HNF4G: variants seen among roughly 807,000 people sequenced by gnomAD.
The protein encoded by HNF4G is hepatocyte nuclear factor 4 gamma.
In HNF4G, 21 loss-of-function variants were observed where a neutral mutation model predicts 50.9. The observed-to-expected ratio is 0.41, with a 90% CI of 0.29 to 0.59. The LOEUF (loss-of-function observed/expected upper bound fraction) is 0.59. HNF4G is among the 20% of genes least tolerant of loss of function. The pLI, the probability that HNF4G is intolerant of heterozygous loss-of-function variation, is 0.26. For synonymous variants in HNF4G, 198 were observed against 185.6 expected (o/e 1.07, Z -0.54); for missense variants, 527 against 559.4 (o/e 0.94, Z 0.58).
At chr8:75,554,844 A>G (rs1807067358) in intron 5 of HNF4G, among the ~76,000 whole-genome samples, 1 of 152,214 alleles carries the variant, frequency 6.6e-6, no homozygotes, top group Admixed American at 6.5e-5. Flanking sequence ...AAATGAGAAG[A>G]GATACTTTAA....
At chr8:75,549,146 C>A (rs1806872468) in intron 3 of HNF4G, among the ~76,000 whole-genome samples, 1 of 152,090 alleles carries the variant, frequency 6.6e-6, no homozygotes, top group African/African-American at 2.4e-5. Context: ...TAAATTTTAT[C>A]TTTTGTTCAT....
intron 2 of HNF4G, among the ~76,000 whole-genome samples, chr8:75,508,775 T>C (rs1488822117): frequency 6.6e-6 from 1 of 151,714 alleles, no homozygotes; most frequent in Non-Finnish European, 1.5e-5. Flanking sequence ...ATATTGAAGG[T>C]TAGAGGGGAA....
chr8:75,461,331 C>G (rs1811835779), intron 1 of HNF4G, among the ~76,000 whole-genome samples: 1 of 152,094 alleles, frequency 6.6e-6, no homozygotes, highest in South Asian at 2.1e-4. Context: ...TTCCTTGGCC[C>G]CTTCCGCCAT....
rs114392004 is a variant in HNF4G, at chr8:75,563,690, T to C, written c.1247-285T>C. 1.3e-3 allele frequency among the ~76,000 whole-genome samples: 201 copies of C among 152,226 alleles called. 1 individual carries two copies. The highest frequency in any genetic ancestry group is 4.3e-3 in the African/African-American group (177 of 41,562). The stretch of plus-strand genomic sequence containing the variant: ...CTGCTAGGTTTGTTAGAGAATCAAA[T>C]GCTTATAAATGCTATTAGGAAAGGC... On this transcript the variant is annotated intron_variant, in intron 9 of 9. Coordinates refer to ENST00000396423, the MANE Select transcript of HNF4G (RefSeq NM_004133.5).
intron 1 of HNF4G, among the ~76,000 whole-genome samples, chr8:75,435,260 A>G (rs910640063): frequency 1.3e-5 from 2 of 152,244 alleles, no homozygotes; most frequent in African/African-American, 2.4e-5. Context: ...TTAGAAATCT[A>G]CTAATGTATT....
chr8:75,500,941 G>A (rs1180123529), intron 2 of HNF4G, among the ~76,000 whole-genome samples: 1 of 152,006 alleles, frequency 6.6e-6, no homozygotes, highest in Non-Finnish European at 1.5e-5. Flanking sequence ...GACTGGTAAT[G>A]TTTGTCCAAC....
At chr8:75,537,317 C>G (rs1585933859), upstream of HNF4G, among the ~76,000 whole-genome samples, 1 of 152,116 alleles carries the variant, frequency 6.6e-6, no homozygotes, top group African/African-American at 2.4e-5. Flanking sequence ...GATCTTGGCT[C>G]ACTGCAACCT....
intron 2 of HNF4G, among the ~76,000 whole-genome samples, chr8:75,502,297 A>G (rs762848877): frequency 1.3e-5 from 2 of 152,238 alleles, no homozygotes; most frequent in African/African-American, 2.4e-5. Flanking sequence ...TTGAGAGAAC[A>G]TGTTTTCCCT....
In HNF4G at chr8:75,566,339, A is replaced by G. The variant is rs1807461688; in HGVS notation, c.*2243A>G. 1 of 152,226 alleles carries G rather than the reference A, an allele frequency of 6.6e-6. No individual in the cohort carries two copies. The highest frequency in any genetic ancestry group is 1.5e-5 in the Non-Finnish European group (1 of 68,010). 9.4% of individuals were successfully genotyped at this position (152,226 alleles called of 1,614,324 possible). ...ATCACTCTGGGGACTAGGTGTCAGC[A>G]TGTGAATTTTGGAAAACACAAAAAT... On this transcript the variant is annotated 3_prime_UTR_variant, in exon 10 of 10. Coordinates refer to ENST00000396423, the MANE Select transcript of HNF4G (RefSeq NM_004133.5).
intron 1 of HNF4G, among the ~76,000 whole-genome samples, chr8:75,411,928 T>C (rs1361064558): frequency 1.3e-5 from 2 of 152,206 alleles, no homozygotes; most frequent in Non-Finnish European, 2.9e-5. Context: ...TTTAGAACAG[T>C]GCCTGGCACA....
At chr8:75,427,171 C>G (rs1810910770) in intron 1 of HNF4G, among the ~76,000 whole-genome samples, 1 of 152,268 alleles carries the variant, frequency 6.6e-6, no homozygotes, top group Non-Finnish European at 1.5e-5. Context: ...CTCATGATCT[C>G]TCTGTATTTC....
At chr8:75,429,404 T>C (rs1310199488) in intron 1 of HNF4G, among the ~76,000 whole-genome samples, 1 of 152,132 alleles carries the variant, frequency 6.6e-6, no homozygotes, top group East Asian at 1.9e-4. Flanking sequence ...GACATATTAA[T>C]ATAAAGTAAG....
intron 8 of HNF4G, 136 bp from the exon 9 acceptor site, chr8:75,560,208 A>G (rs1563555966): frequency 1.3e-6 from 1 of 761,262 alleles, no homozygotes; most frequent in Non-Finnish European, 2.1e-6. Flanking sequence ...TGGTTCTGTC[A>G]ATTTATTTTT....
rs3779738 is a variant in HNF4G at position 75,508,796 on chromosome 8, A to T, written c.-24+18588A>T. ...AAGGTTAGAGGGGAAGAGATGACTG[A>T]CAAAAGATGAAGCTGAAGACGAAGG... On this transcript the variant is annotated intron_variant, in intron 2 of 10. Coordinates refer to the HNF4G transcript ENST00000354370. Among the ~76,000 whole-genome samples the T allele has an allele frequency of 7.7e-3, 1,166 of 152,302 alleles. 51 individuals are homozygous for T. In the East Asian group the frequency reaches 0.14, roughly 18 times the overall value.
intron 1 of HNF4G, among the ~76,000 whole-genome samples, chr8:75,433,742 A>G (rs1269225556): frequency 6.6e-6 from 1 of 152,100 alleles, no homozygotes; most frequent in African/African-American, 2.4e-5. Context: ...TATAATGTCG[A>G]AATAAACTAG....
At chr8:75,486,084 C>T (rs1812490696) in intron 1 of HNF4G, among the ~76,000 whole-genome samples, 1 of 152,080 alleles carries the variant, frequency 6.6e-6, no homozygotes, top group African/African-American at 2.4e-5. Context: ...TTATTCAGGC[C>T]TTAATGCCAG....
chr8:75,545,412 A>G (rs1247949580), intron 2 of HNF4G, among the ~76,000 whole-genome samples: 1 of 152,158 alleles, frequency 6.6e-6, no homozygotes, highest in Non-Finnish European at 1.5e-5. Context: ...TTTAAAAAAT[A>G]TTCTAACAAC....
intron 1 of HNF4G, among the ~76,000 whole-genome samples, chr8:75,542,094 A>G (rs1806636771): frequency 6.6e-6 from 1 of 152,114 alleles, no homozygotes; most frequent in South Asian, 2.1e-4. Context: ...TGAGCCCAAG[A>G]GTTTAAGACC....
At chr8:75,410,017 C>A (rs1264769332) in intron 1 of HNF4G, among the ~76,000 whole-genome samples, 1 of 151,984 alleles carries the variant, frequency 6.6e-6, no homozygotes, top group African/African-American at 2.4e-5. Context: ...TACTAGTATT[C>A]TGAAATTTAT....
Sources: gnomAD v4.1 joint callset for allele counts (sites outside exome capture counted in the v4.1 genomes callset) on GRCh38, gnomAD v4.1.1 for gene constraint, MANE v1.5 for transcripts, NCBI Gene and HGNC (gene_info 2026-07-23, HGNC 2026-07-21) for gene names.